The following PKP4 variants were observed in gnomAD, a reference collection of about 807,000 sequenced individuals.
PKP4 encodes the protein plakophilin 4.
A neutral mutation model predicts 145.1 loss-of-function variants in PKP4; 90 were observed. The ratio of observed to expected loss-of-function variants is 0.62; its 90% confidence interval spans 0.52 to 0.74. PKP4 has a LOEUF of 0.74. PKP4 is among the 30% of genes least tolerant of loss of function. The probability of loss-of-function intolerance (pLI) is 0.00; values close to 1 mark genes in which losing one functional copy is unlikely to be tolerated. For synonymous variants in PKP4, 563 were observed against 577.2 expected (o/e 0.98, Z 0.35); for missense variants, 1,340 against 1,482.7 (o/e 0.90, Z 1.58).
intron 2 of PKP4, among the ~76,000 whole-genome samples, chr2:158,563,640 T>G (rs926694797): frequency 1.2e-4 from 19 of 152,282 alleles, no homozygotes; most frequent in South Asian, 2.1e-4. Context: ...TGGTTGGTTT[T>G]GTGTACTTTT....
chr2:158,489,317 TTTTAA>T (rs1167730391), intron 1 of PKP4, among the ~76,000 whole-genome samples: 1 of 152,070 alleles, frequency 6.6e-6, no homozygotes, highest in African/African-American at 2.4e-5. Flanking sequence ...AGTTATGGAG[TTTTAA>T]TGTGGCCACA....
chr2:158,469,119 T>C (rs537238977), intron 1 of PKP4, among the ~76,000 whole-genome samples: 1 of 151,724 alleles, frequency 6.6e-6, no homozygotes, highest in East Asian at 1.9e-4. Context: ...AGATGGAGTC[T>C]TGCTCTATTG....
chr2:158,635,540 A>G (rs977335458), intron 9 of PKP4, among the ~76,000 whole-genome samples: 2 of 152,176 alleles, frequency 1.3e-5, no homozygotes, highest in African/African-American at 2.4e-5. Context: ...CCTTGGCTGG[A>G]CCTGAAGAGA....
At chr2:158,596,453 A>G (rs1338617485) in intron 3 of PKP4, among the ~76,000 whole-genome samples, 7 of 152,190 alleles carry the variant, frequency 4.6e-5, no homozygotes, top group Non-Finnish European at 1.0e-4. Flanking sequence ...CACAATGTAC[A>G]AATGTATTTT....
Position 158,661,455 on chromosome 2 carries a change from G to T in PKP4, c.2211+5G>T. ...ACATCCGATTACGACAGCAAGGTCA[G>T]TGCCGGCCTGGTTGCAGGAGGGCGT... is the stretch of plus-strand genomic sequence containing the variant. On this transcript the variant is annotated splice_donor_5th_base_variant and intron_variant, in intron 13 of 21. Transcript: ENST00000389759. 1 of 1,587,536 alleles carries T rather than the reference G, an allele frequency of 6.3e-7. No homozygotes were observed. Among genetic ancestry groups the T allele is most frequent in the Non-Finnish European group, 8.6e-7 (1 of 1,156,540 alleles).
chr2:158,484,019 A>G (rs1574038660), intron 1 of PKP4, among the ~76,000 whole-genome samples: 1 of 141,610 alleles, frequency 7.1e-6, no homozygotes, highest in Non-Finnish European at 1.5e-5. Flanking sequence ...ACAGTTGCAC[A>G]TTTTTTCTTT....
At chr2:158,669,645 C>G in intron 16 of PKP4, 75 bp from the exon 17 acceptor site, 1 of 1,184,942 alleles carries the variant, frequency 8.4e-7, no homozygotes, top group African/African-American at 1.5e-5. Flanking sequence ...AGATTGCATG[C>G]CACCAGAATC....
At chr2:158,461,476 G>A (rs1689760311) in intron 1 of PKP4, among the ~76,000 whole-genome samples, 1 of 152,118 alleles carries the variant, frequency 6.6e-6, no homozygotes, top group African/African-American at 2.4e-5. Context: ...GGATTGTATT[G>A]TGAGATTTTA....
chr2:158,471,963 A>G (rs1691635453), intron 1 of PKP4, among the ~76,000 whole-genome samples: 1 of 152,228 alleles, frequency 6.6e-6, no homozygotes, highest in African/African-American at 2.4e-5. Context: ...ATTCTTCCTC[A>G]GCTCTTTTTC....
intron 1 of PKP4, among the ~76,000 whole-genome samples, chr2:158,520,652 G>A (rs932103245): frequency 7.2e-5 from 11 of 152,122 alleles, no homozygotes; most frequent in Admixed American, 2.0e-4. Flanking sequence ...TGTAAGTGCC[G>A]CCCATGTCGG....
intron 11 of PKP4, among the ~76,000 whole-genome samples, chr2:158,649,561 G>A (rs1230909485): frequency 2.0e-5 from 3 of 152,232 alleles, no homozygotes; most frequent in African/African-American, 7.2e-5. Flanking sequence ...CGTGATTTTA[G>A]GTCTTGCGTC....
intron 12 of PKP4, chr2:158,659,381 G>T (rs1432015551): frequency 1.3e-5 from 2 of 152,314 alleles, no homozygotes; most frequent in Non-Finnish European, 1.5e-5. Context: ...GCCTGGGGCA[G>T]GACTCACTGT....
intron 7 of PKP4, 150 bp downstream of exon 7, chr2:158,625,577 C>G (rs910878839): frequency 3.9e-5 from 25 of 640,448 alleles, no homozygotes; most frequent in Non-Finnish European, 6.7e-5. Context: ...ACTTGTCTTT[C>G]AGGTTCTGTA....
Position 158,625,208 on chromosome 2 carries a change from G to C in PKP4, c.934G>C (p.Val312Leu), listed in dbSNP as rs2052649274. ...PTPQYQTTAR[V>L]GSPLTLTDAQ... ...CCCTCAATACCAAACCACCGCCAGA[G>C]TGGGGTCCCCACTGACCCTGACGGA... The change falls in exon 7 of 22, where the codon GTG (valine) becomes CTG (leucine). Residue 312 changes from valine (V) to leucine (L), a missense_variant. By Grantham distance (32) the Val-to-Leu change is conservative (BLOSUM62 1). Transcript: ENST00000389759. The C allele has an allele frequency of 1.2e-6, 2 of 1,614,182 alleles. No homozygotes were observed. The highest frequency in any genetic ancestry group is 1.3e-5 in the African/African-American group (1 of 75,044).
intron 1 of PKP4, among the ~76,000 whole-genome samples, chr2:158,477,077 A>G (rs191795049): frequency 5.3e-5 from 8 of 151,646 alleles, no homozygotes; most frequent in South Asian, 2.1e-4. Context: ...TTTTGCTTTT[A>G]TAAATAATGA....
chr2:158,657,387 TTATCCTG>T (rs2056086682), intron 11 of PKP4, among the ~76,000 whole-genome samples: 1 of 152,256 alleles, frequency 6.6e-6, no homozygotes, highest in Non-Finnish European at 1.5e-5. Flanking sequence ...TTAAGATCTG[TTATCCTG>T]AAATCTTGAT....
At chr2:158,536,278 A>ATT (rs964451070) in intron 2 of PKP4, among the ~76,000 whole-genome samples, 6 of 152,232 alleles carry the variant, frequency 3.9e-5, no homozygotes, top group African/African-American at 1.4e-4. Flanking sequence ...TAAACATACA[A>ATT]TTTTATGTAT....
intron 3 of PKP4, among the ~76,000 whole-genome samples, chr2:158,598,748 G>A (rs907221402): frequency 2.6e-5 from 4 of 152,114 alleles, no homozygotes; most frequent in Non-Finnish European, 2.9e-5. Context: ...CAGCCTGGGC[G>A]AGAGCAAGAC....
chr2:158,674,555 G>A (rs1223032343), intron 19 of PKP4, among the ~76,000 whole-genome samples: 1 of 152,200 alleles, frequency 6.6e-6, no homozygotes, highest in Non-Finnish European at 1.5e-5. Flanking sequence ...GCTGCTAATG[G>A]AAGCAGGCCT....
Sources: allele counts gnomAD v4.1 joint callset (sites outside exome capture counted in the v4.1 genomes callset), GRCh38; gene constraint gnomAD v4.1.1; transcripts MANE v1.5; gene names NCBI Gene and HGNC (gene_info 2026-07-23, HGNC 2026-07-21).